DHRSX: variants seen among roughly 807,000 people sequenced by gnomAD.
The protein encoded by DHRSX is polyprenol dehydrogenase.
A neutral mutation model predicts 34.0 loss-of-function variants in DHRSX; 31 were observed. That is an observed-to-expected ratio of 0.91 (90% CI 0.69 to 1.23). The LOEUF (loss-of-function observed/expected upper bound fraction) is 1.23. Ranked by LOEUF, DHRSX falls within the 50% of genes most tolerant of loss-of-function variation. The pLI, the probability that DHRSX is intolerant of heterozygous loss-of-function variation, is 0.00. For synonymous variants in DHRSX, 201 were observed against 183.8 expected (o/e 1.09, Z -0.76); for missense variants, 414 against 428.1 (o/e 0.97, Z 0.29).
chrX:2,440,999 G>T (rs765073150), intron 1 of DHRSX, among the ~76,000 whole-genome samples: 1 of 152,136 alleles, frequency 6.6e-6, no homozygotes, highest in Admixed American at 6.6e-5. Flanking sequence ...AGCTACAGAC[G>T]ACGCAGACGG....
chrX:2,326,122 G>T (rs1333072434), intron 3 of DHRSX, among the ~76,000 whole-genome samples: 1 of 152,198 alleles, frequency 6.6e-6, no homozygotes, highest in Non-Finnish European at 1.5e-5. Flanking sequence ...GGTGGCAAGT[G>T]GAATTGTGCT....
At chrX:2,334,047 C>T (rs1234982052) in intron 3 of DHRSX, among the ~76,000 whole-genome samples, 3 of 152,096 alleles carry the variant, frequency 2.0e-5, no homozygotes, top group Non-Finnish European at 2.9e-5. Flanking sequence ...GCAAATAATG[C>T]TGCAATGAAC....
At position 2,375,778 on chromosome X, in the gene DHRSX, G is replaced by A. The variant is rs183748212; in HGVS notation, c.286+32967C>T. On this transcript the variant is annotated intron_variant, in intron 3 of 6. Coordinates refer to ENST00000334651, the MANE Select transcript of DHRSX (RefSeq NM_145177.3). The stretch of plus-strand genomic sequence containing the variant: ...CTCCTCAGTAGCTACGACTACAGGC[G>A]TGCACCCCCACGCCTGGCTAATTTT... Among the ~76,000 whole-genome samples, 7 of 136,082 alleles carry A rather than the reference G, an allele frequency of 5.1e-5. 1 individual carries two copies. In the East Asian group the frequency reaches 6.1e-4, roughly 12 times the overall value. 89.3% of individuals were successfully genotyped at this position (136,082 alleles called of 152,430 possible).
chrX:2,259,187 C>A (rs982889835), intron 5 of DHRSX, among the ~76,000 whole-genome samples: 4 of 151,670 alleles, frequency 2.6e-5, no homozygotes, highest in Admixed American at 2.6e-4. Flanking sequence ...GCAGGAGAAT[C>A]GCTTGAACCC....
intron 1 of DHRSX, among the ~76,000 whole-genome samples, chrX:2,445,915 C>T (rs6642182): frequency 1.9e-3 from 281 of 150,258 alleles, no homozygotes; most frequent in Middle Eastern, 3.5e-3. Flanking sequence ...AGAATGTGGC[C>T]AAGGGACCGA....
At chrX:2,276,193 T>C (rs1376252696) in intron 4 of DHRSX, among the ~76,000 whole-genome samples, 1 of 152,238 alleles carries the variant, frequency 6.6e-6, no homozygotes, top group Non-Finnish European at 1.5e-5. Context: ...TTGGGCTACA[T>C]GGATACATTC....
chrX:2,260,566 TCTC>T (rs1236226861), intron 5 of DHRSX, among the ~76,000 whole-genome samples: 20 of 151,950 alleles, frequency 1.3e-4, no homozygotes, highest in African/African-American at 4.4e-4. Flanking sequence ...TTCAAGGAAT[TCTC>T]CTGCCTCAGC....
At chrX:2,227,303 C>G (rs914757866) in intron 6 of DHRSX, among the ~76,000 whole-genome samples, 1 of 144,158 alleles carries the variant, frequency 6.9e-6, no homozygotes, top group Non-Finnish European at 1.5e-5. Flanking sequence ...AGGAGAAAGA[C>G]AGAGAAACAA....
intron 3 of DHRSX, among the ~76,000 whole-genome samples, chrX:2,338,777 T>G (rs1206715054): frequency 6.6e-6 from 1 of 152,000 alleles, no homozygotes; most frequent in East Asian, 1.9e-4. Flanking sequence ...ATAACCCAAA[T>G]AAACCTCTTT....
chrX:2,317,253 T>TGC (rs1285268367), intron 3 of DHRSX, among the ~76,000 whole-genome samples: 5 of 78,908 alleles, frequency 6.3e-5, no homozygotes, highest in Admixed American at 1.4e-4. Flanking sequence ...CCACCGCGCC[T>TGC]GGCTTTTTTT....
chrX:2,371,818 G>A (rs2043076320), intron 3 of DHRSX, among the ~76,000 whole-genome samples: 2 of 152,096 alleles, frequency 1.3e-5, no homozygotes, highest in South Asian at 2.1e-4. Context: ...CTTTTCAAAT[G>A]AAACTGTTGC....
At chrX:2,276,592 G>T (rs954681237) in intron 4 of DHRSX, among the ~76,000 whole-genome samples, 48 of 152,116 alleles carry the variant, frequency 3.2e-4, no homozygotes, top group Non-Finnish European at 5.6e-4. Flanking sequence ...GGGAGTGAAC[G>T]CTCAGGGTCA....
chrX:2,294,664 C>CA (rs780753194), intron 3 of DHRSX, among the ~76,000 whole-genome samples: 61,183 of 128,832 alleles, frequency 0.47, 13,684 homozygotes, highest in Middle Eastern at 0.59. Flanking sequence ...GACTCTGTCT[C>CA]AAAAAAAAAA....
At chrX:2,307,540 G>A (rs111765659) in intron 3 of DHRSX, among the ~76,000 whole-genome samples, 1 of 151,710 alleles carries the variant, frequency 6.6e-6, no homozygotes, top group African/African-American at 2.4e-5. Flanking sequence ...GAGGCGGGTG[G>A]ATCACGAGGG....
rs746568338 is a variant in DHRSX at position 2,243,321 on chromosome X, CACGTCT to C, written c.597-97_597-92del. 3.9e-4 allele frequency: 439 copies of C among 1,128,214 alleles called. 1 individual carries two copies. The African/African-American group carries it at 5.7e-3, about 15-fold the overall frequency. 69.9% of individuals were successfully genotyped at this position (1,128,214 alleles called of 1,614,324 possible). A position where few individuals can be genotyped will look rare whatever the true frequency, so the allele number is the denominator to read the frequency against. On this transcript the variant is annotated intron_variant, in intron 5 of 6. Transcript: ENST00000334651. ...CAGCATCTGTACCTGCGGCCACGGCCACGTCTATACGCAGCCACCTCCCCTAGACCC... is the reference window on the plus strand; with the variant it reads ...CAGCATCTGTACCTGCGGCCACGGCCATACGCAGCCACCTCCCCTAGACCC...
At chrX:2,410,608 A>G (rs2043614455) in intron 2 of DHRSX, among the ~76,000 whole-genome samples, 1 of 152,216 alleles carries the variant, frequency 6.6e-6, no homozygotes, top group Non-Finnish European at 1.5e-5. Flanking sequence ...ATGCTGTTTG[A>G]TATCCTATCA....
intron 3 of DHRSX, among the ~76,000 whole-genome samples, chrX:2,404,185 A>AATGCAG (rs2043524056): frequency 6.6e-6 from 1 of 152,152 alleles, no homozygotes; most frequent in African/African-American, 2.4e-5. Context: ...GCCTCATAAG[A>AATGCAG]ATGCAGATTC....
At chrX:2,370,498 A>G (rs756592841) in intron 3 of DHRSX, among the ~76,000 whole-genome samples, 1 of 151,674 alleles carries the variant, frequency 6.6e-6, no homozygotes, top group African/African-American at 2.4e-5. Context: ...CGGAGACACA[A>G]TCAGTCCATC....
At chrX:2,459,228 A>C (rs1179728626) in intron 1 of DHRSX, among the ~76,000 whole-genome samples, 3 of 152,044 alleles carry the variant, frequency 2.0e-5, no homozygotes, top group African/African-American at 7.2e-5. Flanking sequence ...GATTATAGTT[A>C]ATAATAATAC....
Sources: gnomAD v4.1 joint callset for allele counts (sites outside exome capture counted in the v4.1 genomes callset) on GRCh38, gnomAD v4.1.1 for gene constraint, MANE v1.5 for transcripts, NCBI Gene and HGNC (gene_info 2026-07-23, HGNC 2026-07-21) for gene names.